RAB31: variants seen among roughly 807,000 people sequenced by gnomAD.
RAB31 encodes the protein RAB31, member RAS oncogene family, also known as ras-related protein Rab-31.
Under a neutral mutation model 25.6 loss-of-function variants are expected in RAB31, and 21 were observed. The observed-to-expected ratio is 0.82, with a 90% confidence interval of 0.58 to 1.18. The LOEUF (loss-of-function observed/expected upper bound fraction) is 1.18, where lower values mean the gene tolerates loss of function less well. Ranked by LOEUF, RAB31 falls within the 50% of genes most tolerant of loss-of-function variation. RAB31 has a pLI of 0.00. For missense variants in RAB31, 196 were observed against 250.1 expected, an observed-to-expected ratio of 0.78 and a Z score of 1.46; for synonymous variants, 87 against 84.0, an observed-to-expected ratio of 1.04 and a Z score of -0.20.
chr18:9,805,241 A>T (rs930396951), intron 3 of RAB31, among the ~76,000 whole-genome samples: 8 of 151,552 alleles, frequency 5.3e-5, no homozygotes, highest in African/African-American at 1.9e-4. Context: ...GGGCAACAGA[A>T]TGAGACCTTG....
chr18:9,773,085 G>A (rs1291319272), intron 1 of RAB31, among the ~76,000 whole-genome samples: 1 of 152,160 alleles, frequency 6.6e-6, no homozygotes, highest in Non-Finnish European at 1.5e-5. Flanking sequence ...CTTTGGTGCT[G>A]TGTTTGTTAG....
chr18:9,714,650 T>A (rs2068035297), intron 1 of RAB31, among the ~76,000 whole-genome samples: 1 of 152,270 alleles, frequency 6.6e-6, no homozygotes, highest in Non-Finnish European at 1.5e-5. Flanking sequence ...TCATTTATCT[T>A]AGTTTTTATC....
intron 1 of RAB31, among the ~76,000 whole-genome samples, chr18:9,753,273 G>A (rs543402609): frequency 2.8e-4 from 42 of 152,328 alleles, no homozygotes; most frequent in African/African-American, 1.0e-3. Context: ...ATTGGGTCAT[G>A]AGGGCTCTAC....
At chr18:9,780,143 T>G (rs113403413) in intron 2 of RAB31, among the ~76,000 whole-genome samples, 29 of 147,106 alleles carry the variant, frequency 2.0e-4, no homozygotes, top group African/African-American at 7.1e-4. Flanking sequence ...GCCACTCTAC[T>G]CCAGCCAGGG....
intron 1 of RAB31, among the ~76,000 whole-genome samples, chr18:9,773,807 T>G (rs1437171465): frequency 6.6e-6 from 1 of 152,062 alleles, no homozygotes; most frequent in African/African-American, 2.4e-5. Flanking sequence ...TACAGGCCCA[T>G]GTCGCCACAC....
chr18:9,815,202 G>C lies in RAB31; in HGVS notation c.360G>C (p.Lys120Asn), dbSNP rs1250467646. The change falls in exon 5 of 7, where the codon AAG becomes AAC. Residue 120 changes from lysine (K) to asparagine (N), a missense_variant. By Grantham distance (94) the Lys-to-Asn change is moderately conservative (BLOSUM62 0). Transcript: ENST00000578921. Reference sequence around the variant, plus strand: ...TTGTAATGGCCATCGCTGGAAACAAGTGCGACCTCTCAGATATTAGGTAAG... The same window carrying C: ...TTGTAATGGCCATCGCTGGAAACAACTGCGACCTCTCAGATATTAGGTAAG... ...ENIVMAIAGNKCDLSDIREVP... is the reference protein window; with the variant it reads ...ENIVMAIAGNNCDLSDIREVP... 3.2e-6 allele frequency: 5 copies of C among 1,552,044 alleles called. No individual in the cohort carries two copies. The highest frequency in any genetic ancestry group is 3.5e-6 in the Non-Finnish European group (4 of 1,145,220).
intron 2 of RAB31, among the ~76,000 whole-genome samples, chr18:9,784,742 G>A (rs189592944): frequency 2.5e-4 from 38 of 151,860 alleles, no homozygotes; most frequent in Non-Finnish European, 4.3e-4. Context: ...TAGTAGAGAC[G>A]TGGTTTTGCC....
At chr18:9,813,211 G>T (rs539505332) in intron 3 of RAB31, among the ~76,000 whole-genome samples, 1 of 152,130 alleles carries the variant, frequency 6.6e-6, no homozygotes, top group Admixed American at 6.5e-5. Context: ...GTGAAGCCCC[G>T]CGTTGGAGAG....
At chr18:9,802,219 A>G (rs998542210) in intron 3 of RAB31, among the ~76,000 whole-genome samples, 4 of 152,202 alleles carry the variant, frequency 2.6e-5, no homozygotes, top group African/African-American at 9.6e-5. Flanking sequence ...AAAGAATCCA[A>G]CTGGGATTTT....
rs533334651 is a variant in RAB31, at chr18:9,804,638, A to G, written c.202-9382A>G. ...ACAGTAGAAAAGCCCTATAAAGCCTATGAGTGTCACTCTTGAATAGGAAAT... is the reference window on the plus strand; with the variant it reads ...ACAGTAGAAAAGCCCTATAAAGCCTGTGAGTGTCACTCTTGAATAGGAAAT... On this transcript the variant is annotated intron_variant, in intron 3 of 6. Coordinates refer to ENST00000578921, the MANE Select transcript of RAB31 (RefSeq NM_006868.4). Among the ~76,000 whole-genome samples the G allele has an allele frequency of 3.3e-5, 5 of 152,298 alleles. No homozygotes were observed. The East Asian group carries it at 9.7e-4, about 29-fold the overall frequency.
intron 5 of RAB31, among the ~76,000 whole-genome samples, chr18:9,820,557 AAG>A (rs2068619765): frequency 6.6e-6 from 1 of 152,016 alleles, no homozygotes; most frequent in African/African-American, 2.4e-5. Context: ...TGTTTTCTAG[AAG>A]AGTTTGTGAA....
At chr18:9,720,269 T>C (rs928204795) in intron 1 of RAB31, among the ~76,000 whole-genome samples, 3 of 152,090 alleles carry the variant, frequency 2.0e-5, no homozygotes, top group Non-Finnish European at 4.4e-5. Context: ...CAGCCTGAAA[T>C]CTTTAGTTAT....
At chr18:9,845,746 G>T in intron 6 of RAB31, 55 bp downstream of exon 6, 1 of 1,493,770 alleles carries the variant, frequency 6.7e-7, no homozygotes. Flanking sequence ...GCTTCTGGGA[G>T]TCAAAGGATA....
In RAB31 at chr18:9,793,911, T is replaced by A. The variant is rs1165271159; in HGVS notation, c.201+1676T>A. On this transcript the variant is annotated intron_variant, in intron 3 of 6. Transcript: ENST00000578921. ...CTGCTTCATTTTTCTCCACAGTTATTATCATCTTCCAATATATTATTTAAT... is the reference window on the plus strand; with the variant it reads ...CTGCTTCATTTTTCTCCACAGTTATAATCATCTTCCAATATATTATTTAAT... Among the ~76,000 whole-genome samples, 3 of 152,284 alleles carry A rather than the reference T, an allele frequency of 2.0e-5. No individual in the cohort carries two copies. In the East Asian group the frequency reaches 5.8e-4, roughly 29 times the overall value.
chr18:9,771,824 C>T (rs563801820), intron 1 of RAB31, among the ~76,000 whole-genome samples: 7 of 152,316 alleles, frequency 4.6e-5, no homozygotes, highest in African/African-American at 1.2e-4. Context: ...TCTATCCTTT[C>T]GTCCTGTTAT....
chr18:9,859,426 A>G lies in RAB31; in HGVS notation c.*101A>G. 2.0e-6 allele frequency: 2 copies of G among 1,005,152 alleles called. No individual in the cohort carries two copies. Among genetic ancestry groups the G allele is most frequent in the Admixed American group, 4.7e-5 (2 of 42,846 alleles). The allele number at this position is 1,005,152 out of a possible 1,614,324, so 62.3% of individuals were successfully genotyped here. A position where few individuals can be genotyped will look rare whatever the true frequency, so the allele number is the denominator to read the frequency against. On this transcript the variant is annotated 3_prime_UTR_variant, in exon 7 of 7. Transcript: ENST00000578921. ...GGTGGCCTGGCACCTCACTTTGAGAAGAGTGAGCACACTGGCTTTGCATCC... is the reference window on the plus strand; with the variant it reads ...GGTGGCCTGGCACCTCACTTTGAGAGGAGTGAGCACACTGGCTTTGCATCC...
At chr18:9,737,295 C>G (rs1011962155) in intron 1 of RAB31, among the ~76,000 whole-genome samples, 1 of 152,138 alleles carries the variant, frequency 6.6e-6, no homozygotes, top group Admixed American at 6.5e-5. Flanking sequence ...GCCTCTGTAG[C>G]AGGTGACACG....
chr18:9,812,339 A>G (rs1292696792), intron 3 of RAB31, among the ~76,000 whole-genome samples: 1 of 152,188 alleles, frequency 6.6e-6, no homozygotes, highest in East Asian at 1.9e-4. Context: ...ACTCCAGTAT[A>G]TATTCCTCTA....
At chr18:9,715,864 T>A (rs1035798051) in intron 1 of RAB31, among the ~76,000 whole-genome samples, 4 of 152,174 alleles carry the variant, frequency 2.6e-5, no homozygotes, top group Non-Finnish European at 5.9e-5. Context: ...ACTAAACATT[T>A]TTTTTTGAAC....
Sources: gnomAD v4.1 joint callset for allele counts (sites outside exome capture counted in the v4.1 genomes callset) on GRCh38, gnomAD v4.1.1 for gene constraint, MANE v1.5 for transcripts, NCBI Gene and HGNC (gene_info 2026-07-23, HGNC 2026-07-21) for gene names.